Variants in KIAA1328 observed in about 807,000 individuals in gnomAD.
KIAA1328 encodes KIAA1328.
In KIAA1328, 52 loss-of-function variants were observed where a neutral mutation model predicts 68.1. That is an observed-to-expected ratio of 0.76 (90% CI 0.61 to 0.96). The LOEUF (loss-of-function observed/expected upper bound fraction) is 0.96. Ranked by LOEUF, KIAA1328 falls within the 40% of genes least tolerant of loss-of-function variation. The probability of loss-of-function intolerance (pLI) is 0.00; values close to 1 mark genes in which losing one functional copy is unlikely to be tolerated. For synonymous variants in KIAA1328, 232 were observed against 239.4 expected, an observed-to-expected ratio of 0.97 and a Z score of 0.28; for missense variants, 641 against 677.6, an observed-to-expected ratio of 0.95 and a Z score of 0.60.
intron 9 of KIAA1328, among the ~76,000 whole-genome samples, chr18:37,208,126 A>C (rs1260448934): frequency 6.6e-6 from 1 of 152,012 alleles, no homozygotes; most frequent in Admixed American, 6.6e-5. Flanking sequence ...ACCTTTTTAA[A>C]ATTTAAATTT....
intron 5 of KIAA1328, among the ~76,000 whole-genome samples, chr18:36,942,482 C>T (rs1219616130): frequency 6.6e-6 from 1 of 152,188 alleles, no homozygotes; most frequent in African/African-American, 2.4e-5. Flanking sequence ...TCACAAATCG[C>T]AGCACCACTG....
intron 6 of KIAA1328, among the ~76,000 whole-genome samples, chr18:37,039,765 A>G (rs1419274980): frequency 1.3e-5 from 2 of 152,086 alleles, no homozygotes; most frequent in Non-Finnish European, 2.9e-5. Context: ...TTTTCATTAT[A>G]TTATCTATTA....
chr18:37,192,430 T>C (rs1477097116), intron 9 of KIAA1328, among the ~76,000 whole-genome samples: 1 of 152,192 alleles, frequency 6.6e-6, no homozygotes, highest in Non-Finnish European at 1.5e-5. Flanking sequence ...GGAATGGATG[T>C]ATATCCATAT....
intron 5 of KIAA1328, among the ~76,000 whole-genome samples, chr18:36,912,452 T>C (rs1228374575): frequency 7.2e-5 from 11 of 152,202 alleles, no homozygotes; most frequent in African/African-American, 2.2e-4. Flanking sequence ...TGTAATTACA[T>C]TGGGCTTACC....
intron 6 of KIAA1328, among the ~76,000 whole-genome samples, chr18:36,992,987 G>A (rs1286946329): frequency 6.6e-6 from 1 of 151,998 alleles, no homozygotes; most frequent in Non-Finnish European, 1.5e-5. Context: ...TGCACCTGTA[G>A]TCCCAGCTCC....
At chr18:37,095,953 C>T (rs963834968) in intron 7 of KIAA1328, among the ~76,000 whole-genome samples, 1 of 152,048 alleles carries the variant, frequency 6.6e-6, no homozygotes, top group Non-Finnish European at 1.5e-5. Flanking sequence ...ATTGAAAGCT[C>T]GAACAGACCA....
At chr18:37,019,672 A>C (rs368798279) in intron 6 of KIAA1328, among the ~76,000 whole-genome samples, 3 of 152,224 alleles carry the variant, frequency 2.0e-5, no homozygotes, top group African/African-American at 4.8e-5. Flanking sequence ...TGTCTTGACT[A>C]TCCACCTGGG....
At chr18:37,115,551 C>T (rs1272711808) in intron 7 of KIAA1328, among the ~76,000 whole-genome samples, 3 of 152,208 alleles carry the variant, frequency 2.0e-5, no homozygotes, top group African/African-American at 7.2e-5. Context: ...AACCCACAGC[C>T]AATATCATAC....
chr18:36,985,943 C>A (rs1275361944), intron 6 of KIAA1328, among the ~76,000 whole-genome samples: 2 of 152,032 alleles, frequency 1.3e-5, no homozygotes, highest in Non-Finnish European at 2.9e-5. Context: ...TTACAATGAC[C>A]AAAATTAAAA....
chr18:37,052,150 ACAAT>A (rs902456786), intron 6 of KIAA1328, among the ~76,000 whole-genome samples: 18 of 152,208 alleles, frequency 1.2e-4, no homozygotes, highest in Admixed American at 3.9e-4. Context: ...ATAATTTATC[ACAAT>A]CAAGTGGATT....
intron 6 of KIAA1328, among the ~76,000 whole-genome samples, chr18:36,992,361 T>G (rs1320263869): frequency 3.3e-5 from 5 of 152,094 alleles, no homozygotes; most frequent in Non-Finnish European, 5.9e-5. Context: ...TGGTTTATAG[T>G]TCTATCTTTT....
chr18:36,867,235 A>G (rs992762036), intron 4 of KIAA1328, among the ~76,000 whole-genome samples: 2 of 152,152 alleles, frequency 1.3e-5, no homozygotes, highest in African/African-American at 4.8e-5. Flanking sequence ...TGAGAAATGA[A>G]TGGTTTAGCT....
chr18:36,873,041 A>G (rs1292481269), intron 4 of KIAA1328, among the ~76,000 whole-genome samples: 2 of 152,162 alleles, frequency 1.3e-5, no homozygotes, highest in African/African-American at 2.4e-5. Flanking sequence ...TCTCTAGAGC[A>G]TGTTTTTCCA....
intron 8 of KIAA1328, among the ~76,000 whole-genome samples, chr18:37,168,143 A>G (rs2059427426): frequency 6.6e-6 from 1 of 152,242 alleles, no homozygotes; most frequent in Non-Finnish European, 1.5e-5. Flanking sequence ...CAGAAAAAGC[A>G]TTTGACAAAA....
chr18:37,124,966 G>A (rs1345341790), intron 7 of KIAA1328, among the ~76,000 whole-genome samples: 1 of 152,170 alleles, frequency 6.6e-6, no homozygotes, highest in Non-Finnish European at 1.5e-5. Flanking sequence ...AATATATTTT[G>A]TAAAGCAAGC....
At chr18:36,983,171 A>G (rs1443489293) in intron 6 of KIAA1328, among the ~76,000 whole-genome samples, 3 of 152,082 alleles carry the variant, frequency 2.0e-5, no homozygotes, top group Admixed American at 2.0e-4. Context: ...AAAAGCAGAG[A>G]CTGTCAAATT....
At chr18:36,985,782 T>C (rs1305432455) in intron 6 of KIAA1328, among the ~76,000 whole-genome samples, 1 of 152,160 alleles carries the variant, frequency 6.6e-6, no homozygotes, top group Non-Finnish European at 1.5e-5. Context: ...GAAAAATCTT[T>C]GCAGCCGTGG....
chr18:37,001,677 A>G (rs1274061290), intron 6 of KIAA1328, among the ~76,000 whole-genome samples: 1 of 152,010 alleles, frequency 6.6e-6, no homozygotes, highest in African/African-American at 2.4e-5. Flanking sequence ...GAGATTACAC[A>G]AGGGATGCAA....
At chr18:37,219,275 G>C (rs2060509599) in intron 9 of KIAA1328, among the ~76,000 whole-genome samples, 2 of 152,196 alleles carry the variant, frequency 1.3e-5, no homozygotes, top group South Asian at 4.1e-4. Flanking sequence ...TCCCAGTTAG[G>C]CTACACAGGG....
Sources: allele counts gnomAD v4.1 joint callset (sites outside exome capture counted in the v4.1 genomes callset), GRCh38; gene constraint gnomAD v4.1.1; transcripts MANE v1.5; gene names NCBI Gene and HGNC (gene_info 2026-07-23, HGNC 2026-07-21).